The following CPNE4 variants were observed in gnomAD, a reference collection of about 807,000 sequenced individuals.
CPNE4 encodes copine 4, also known as copine-4.
In CPNE4, 25 loss-of-function variants were observed where a neutral mutation model predicts 67.9. The observed-to-expected ratio is 0.37, with a 90% CI of 0.27 to 0.51. The LOEUF is 0.51. Among genes scored for constraint, CPNE4 ranks in the 20% least tolerant of loss-of-function variants. The pLI, the probability that CPNE4 is intolerant of heterozygous loss-of-function variation, is 0.93. For synonymous variants in CPNE4, 242 were observed against 244.9 expected (o/e 0.99, Z 0.11); for missense variants, 464 against 690.8 (o/e 0.67, Z 3.68).
intron 1 of CPNE4, among the ~76,000 whole-genome samples, chr3:131,921,892 G>A (rs1442108101): frequency 6.6e-6 from 1 of 152,046 alleles, no homozygotes; most frequent in Non-Finnish European, 1.5e-5. Flanking sequence ...GAAGAGAGAA[G>A]AGAGGTAATA....
intron 7 of CPNE4, among the ~76,000 whole-genome samples, chr3:131,629,614 T>C (rs913564113): frequency 1.3e-5 from 2 of 152,080 alleles, no homozygotes; most frequent in Non-Finnish European, 2.9e-5. Flanking sequence ...TTGGCTAATT[T>C]TTGTATTTTT....
rs1560674124 is a variant in CPNE4, at chr3:131,955,409, G to GGTTTTTTTTTTTGTTTTTTTTTT, written c.-1-49966_-1-49965insAAAAAAAAAACAAAAAAAAAAAC. ...TTTTTCTGTGTGGTATTGTATGTAA[G>GGTTTTTTTTTTTGTTTTTTTTTT]GTTTTTTTTTTTTTTTTTTTTTTTT... On this transcript the variant is annotated intron_variant, in intron 1 of 15. Transcript: ENST00000429747. Among the ~76,000 whole-genome samples the GGTTTTTTTTTTTGTTTTTTTTTT allele has an allele frequency of 4.6e-3, 245 of 53,398 alleles. 8 individuals carry two copies. The highest frequency in any genetic ancestry group is 0.018 in the African/African-American group (228 of 12,462). The allele number at this position is 53,398 out of a possible 152,430, so 35.0% of individuals were successfully genotyped here.
chr3:131,759,390 C>T (rs904727981), intron 2 of CPNE4, among the ~76,000 whole-genome samples: 1 of 152,092 alleles, frequency 6.6e-6, no homozygotes. Flanking sequence ...GAGTTCTTGC[C>T]ATCTTCTATT....
intron 6 of CPNE4, among the ~76,000 whole-genome samples, chr3:131,676,832 G>A (rs994631843): frequency 1.3e-5 from 2 of 152,076 alleles, no homozygotes; most frequent in African/African-American, 4.8e-5. Context: ...GAATAGTGCT[G>A]CAGTGAACAT....
intron 3 of CPNE4, among the ~76,000 whole-genome samples, chr3:131,711,251 G>A (rs1339402660): frequency 6.6e-6 from 1 of 152,172 alleles, no homozygotes; most frequent in Non-Finnish European, 1.5e-5. Flanking sequence ...TTGTCCAGGA[G>A]CACCAGAGAG....
At chr3:131,982,403 T>C (rs1266235358) in intron 1 of CPNE4, among the ~76,000 whole-genome samples, 1 of 152,216 alleles carries the variant, frequency 6.6e-6, no homozygotes, top group Admixed American at 6.5e-5. Context: ...ACACCTTTTG[T>C]GCACTGGATG....
In CPNE4 at chr3:131,792,923, G is replaced by A. The variant is rs78073780; in HGVS notation, c.181-69298C>T. Among the ~76,000 whole-genome samples, 104 of 46,796 alleles carry A rather than the reference G, an allele frequency of 2.2e-3. No homozygotes were observed. The Middle Eastern group carries it at 0.039, about 18-fold the overall frequency. 30.7% of individuals were successfully genotyped at this position (46,796 alleles called of 152,430 possible). A position where few individuals can be genotyped will look rare whatever the true frequency, so the allele number is the denominator to read the frequency against. ...TGTGTGTGTGTGTGTGTGTGTGTGT[G>A]TGTATCTCCAACAAAACATGCCAAA... On this transcript the variant is annotated intron_variant, in intron 2 of 15. Transcript: ENST00000429747.
chr3:131,911,272 A>G (rs2088963850), intron 1 of CPNE4, among the ~76,000 whole-genome samples: 1 of 66,366 alleles, frequency 1.5e-5, no homozygotes, highest in Non-Finnish European at 3.0e-5. Context: ...AACACGCTGA[A>G]AGGAATGAAT....
At chr3:131,668,239 A>G (rs752351852) in intron 7 of CPNE4, among the ~76,000 whole-genome samples, 4 of 152,216 alleles carry the variant, frequency 2.6e-5, no homozygotes, top group Admixed American at 1.3e-4. Context: ...AGATTAACCA[A>G]TCAGATGGGA....
intron 1 of CPNE4, among the ~76,000 whole-genome samples, chr3:132,013,158 G>A (rs1472566261): frequency 6.6e-6 from 1 of 152,208 alleles, no homozygotes; most frequent in Non-Finnish European, 1.5e-5. Context: ...CAGAGGCGGA[G>A]GTTGCAGTGA....
At chr3:131,743,962 C>CTAAA (rs2082417694) in intron 2 of CPNE4, among the ~76,000 whole-genome samples, 1 of 59,206 alleles carries the variant, frequency 1.7e-5, no homozygotes, top group Non-Finnish European at 2.8e-5. Flanking sequence ...GACTCCGTCT[C>CTAAA]AAAAAAAAAA....
At chr3:131,710,956 T>C (rs1367364424) in intron 3 of CPNE4, among the ~76,000 whole-genome samples, 3 of 152,196 alleles carry the variant, frequency 2.0e-5, no homozygotes, top group Non-Finnish European at 4.4e-5. Flanking sequence ...CTAGTGATGA[T>C]AATAATGATG....
chr3:131,591,579 G>A (rs1159223025), intron 7 of CPNE4, among the ~76,000 whole-genome samples: 2 of 152,232 alleles, frequency 1.3e-5, no homozygotes, highest in African/African-American at 4.8e-5. Flanking sequence ...GCTGGAGGAT[G>A]AGTCAGGCTT....
intron 1 of CPNE4, among the ~76,000 whole-genome samples, chr3:131,981,944 C>T (rs2072919952): frequency 6.6e-6 from 1 of 152,174 alleles, no homozygotes; most frequent in African/African-American, 2.4e-5. Flanking sequence ...CCAGGTCCTG[C>T]AGGAGCAGAC....
intron 2 of CPNE4, among the ~76,000 whole-genome samples, chr3:131,792,405 C>T (rs2083751108): frequency 6.6e-6 from 1 of 151,476 alleles, no homozygotes; most frequent in Non-Finnish European, 1.5e-5. Context: ...TAAACATTAC[C>T]ATACCCGAAA....
At chr3:131,620,431 G>C in intron 7 of CPNE4, 1 of 984,392 alleles carries the variant, frequency 1.0e-6, no homozygotes, top group South Asian at 4.7e-5. Flanking sequence ...GAGCTCTTTG[G>C]GTCCTGAGTT....
intron 7 of CPNE4, among the ~76,000 whole-genome samples, chr3:131,629,499 G>A (rs147220661): frequency 4.6e-5 from 7 of 151,956 alleles, no homozygotes; most frequent in Admixed American, 1.3e-4. Flanking sequence ...GTTGGAGTGC[G>A]GTGGGTGTGA....
chr3:131,856,748 A>C (rs2107656574), intron 2 of CPNE4, among the ~76,000 whole-genome samples: 1 of 152,128 alleles, frequency 6.6e-6, no homozygotes, highest in South Asian at 2.1e-4. Context: ...CTTACACTAC[A>C]TAGCAGGCAC....
chr3:131,941,935 T>C (rs1481125743), intron 1 of CPNE4, among the ~76,000 whole-genome samples: 1 of 152,116 alleles, frequency 6.6e-6, no homozygotes, highest in Non-Finnish European at 1.5e-5. Flanking sequence ...CTCATGTTAC[T>C]AGAATGTTTA....
Sources: gnomAD v4.1 joint callset for allele counts (sites outside exome capture counted in the v4.1 genomes callset) on GRCh38, gnomAD v4.1.1 for gene constraint, MANE v1.5 for transcripts, NCBI Gene and HGNC (gene_info 2026-07-23, HGNC 2026-07-21) for gene names.